IMPG2: variants seen among roughly 807,000 people sequenced by gnomAD.
IMPG2 encodes the protein interphotoreceptor matrix proteoglycan 2.
A neutral mutation model predicts 129.2 loss-of-function variants in IMPG2; 91 were observed. The ratio of observed to expected loss-of-function variants is 0.70; its 90% CI spans 0.59 to 0.84. The LOEUF (loss-of-function observed/expected upper bound fraction) is 0.84, where lower values mean the gene tolerates loss of function less well. Among genes scored for constraint, IMPG2 ranks in the 40% least tolerant of loss-of-function variants. The probability of loss-of-function intolerance (pLI) is 0.00; values close to 1 mark genes in which losing one functional copy is unlikely to be tolerated. For synonymous variants in IMPG2, 510 were observed against 517.7 expected (o/e 0.99, Z 0.20); for missense variants, 1,430 against 1,461.7 (o/e 0.98, Z 0.35).
chr3:101,229,472 G>T lies in IMPG2; in HGVS notation c.3541C>A (p.Pro1181Thr). The stretch of plus-strand genomic sequence containing the variant: ...TCTCCGCTAGCAGAGCTGTAGAAGG[G>T]ATGCTGAGGATAGGGTCCCTCATAC... ...EKYEGPYPQHPFYSSASGDVI... is the reference protein window; with the variant it reads ...EKYEGPYPQHTFYSSASGDVI... Residue 1181 changes from proline to threonine, a missense_variant, in exon 17 of 19, where the codon CCC (proline) becomes ACC (threonine). Pro to Thr is a conservative substitution (Grantham distance 38). Coordinates refer to ENST00000193391, the MANE Select transcript of IMPG2 (RefSeq NM_016247.4). 6.2e-7 allele frequency: 1 copy of T among 1,613,466 alleles called. No homozygotes were observed. The highest frequency in any genetic ancestry group is 8.5e-7 in the Non-Finnish European group (1 of 1,180,006).
chr3:101,233,124 G>C (rs1293359602), intron 14 of IMPG2, 133 bp from the exon 15 acceptor site: 1 of 776,502 alleles, frequency 1.3e-6, no homozygotes, highest in Non-Finnish European at 2.2e-6. Context: ...GTACACCATC[G>C]CCACCAATAC....
At chr3:101,301,446 C>A (rs1172800093) in intron 3 of IMPG2, among the ~76,000 whole-genome samples, 1 of 152,234 alleles carries the variant, frequency 6.6e-6, no homozygotes, top group Middle Eastern at 3.4e-3. Flanking sequence ...AAAGTATGCC[C>A]GCACTAAGTC....
At chr3:101,304,789 T>C (rs975156085) in intron 2 of IMPG2, among the ~76,000 whole-genome samples, 1 of 152,094 alleles carries the variant, frequency 6.6e-6, no homozygotes, top group African/African-American at 2.4e-5. Context: ...CTGGAGCTTT[T>C]TGGCTAAATG....
chr3:101,232,888 G>T lies in IMPG2; in HGVS notation c.3126C>A (p.Tyr1042Ter). The stretch of plus-strand genomic sequence containing the variant: ...GACAGGGCCGTTCTTCCACACTCAG[G>T]TATCCAGGGAAGCATCTGCACTTTG... ...GEAKCRCFPG[Y>*]LSVEERPCQS... is the part of the protein sequence containing the mutation. The change falls in exon 15 of 19, where the codon TAC becomes TAA. Residue 1042 changes from tyrosine to a stop codon, truncating the protein, a stop_gained. Transcript: ENST00000193391. LOFTEE classifies it high-confidence loss of function. 6.2e-7 allele frequency: 1 copy of T among 1,613,804 alleles called. No individual in the cohort carries two copies. Among genetic ancestry groups the T allele is most frequent in the African/African-American group, 1.3e-5 (1 of 74,924 alleles).
chr3:101,242,736 T>C lies in IMPG2; in HGVS notation c.2974A>G (p.Asn992Asp). Residue 992 changes from asparagine to aspartate, a missense_variant, in exon 14 of 19, where the codon AAT (asparagine) becomes GAT (aspartate). Coordinates refer to ENST00000193391, the MANE Select transcript of IMPG2 (RefSeq NM_016247.4). ...TTATCAATAGCCAAGTTCATGGTATTGTAGGCAGTGGTACAAAAGTCTTCC... is the reference window on the plus strand; with the variant it reads ...TTATCAATAGCCAAGTTCATGGTATCGTAGGCAGTGGTACAAAAGTCTTCC... ...ILEDFCTTAY[N>D]TMNLAIDKYS... is the part of the protein sequence containing the mutation. The C allele has an allele frequency of 1.9e-6, 3 of 1,614,044 alleles. No individual in the cohort carries two copies. The South Asian group carries it at 3.3e-5, about 18-fold the overall frequency.
At chr3:101,253,987 C>T (rs554676264) in intron 10 of IMPG2, among the ~76,000 whole-genome samples, 3 of 152,126 alleles carry the variant, frequency 2.0e-5, no homozygotes, top group Non-Finnish European at 2.9e-5. Context: ...AAGAATCTAA[C>T]ATAAAATAAA....
intron 4 of IMPG2, among the ~76,000 whole-genome samples, chr3:101,290,230 T>C (rs1028295044): frequency 3.3e-5 from 5 of 152,072 alleles, no homozygotes; most frequent in Non-Finnish European, 5.9e-5. Context: ...CGGCCAGGCA[T>C]AGTGGCTCAC....
At chr3:101,232,227 T>TA (rs386397421) in intron 15 of IMPG2, among the ~76,000 whole-genome samples, 62 of 151,602 alleles carry the variant, frequency 4.1e-4, no homozygotes, top group Admixed American at 1.1e-3. Flanking sequence ...ATTTTTATTT[T>TA]TTTTTTATTT....
chr3:101,304,265 G>T lies in IMPG2; in HGVS notation c.382C>A (p.Leu128Ile). ...WEAFRTFWDR[L>I]PGREEYHYWM... is the part of the protein sequence containing the mutation. ...TAATGATATTCCTCACGCCCAGGAA[G>T]TCGATCCCAAAAAGTCCTGAAGGCT... The change falls in exon 3 of 19, where the codon CTT becomes ATT. Residue 128 changes from leucine to isoleucine, a missense_variant. Physicochemically the swap from Leu to Ile is conservative, Grantham distance 5. Coordinates refer to ENST00000193391, the MANE Select transcript of IMPG2 (RefSeq NM_016247.4). 6.2e-7 allele frequency: 1 copy of T among 1,613,912 alleles called. No homozygotes were observed.
At chr3:101,312,517 A>C (rs577144531) in intron 2 of IMPG2, among the ~76,000 whole-genome samples, 1 of 152,208 alleles carries the variant, frequency 6.6e-6, no homozygotes, top group African/African-American at 2.4e-5. Context: ...AAAAAAAAGG[A>C]AAACATTGCT....
intron 2 of IMPG2, among the ~76,000 whole-genome samples, chr3:101,310,393 C>T (rs554215): frequency 0.72 from 108,735 of 151,442 alleles, 40,145 homozygotes; most frequent in East Asian, 0.84. Context: ...CTTGTCTCTA[C>T]GAAAATTACA....
Position 101,276,647 on chromosome 3 carries a change from A to G in IMPG2, c.583+17T>C, listed in dbSNP as rs1252116200. 10 of 1,559,954 alleles carry G rather than the reference A, an allele frequency of 6.4e-6. No individual in the cohort carries two copies. Among genetic ancestry groups the G allele is most frequent in the Non-Finnish European group, 8.8e-6 (10 of 1,131,368 alleles). ...AATAATTTTAAAAGAAAAGTGAATG[A>G]AGACACAAAAGTATACCTCCCAATG... On this transcript the variant is annotated intron_variant, in intron 5 of 18. Coordinates refer to ENST00000193391, the MANE Select transcript of IMPG2 (RefSeq NM_016247.4).
chr3:101,305,868 T>A (rs1707184065), intron 2 of IMPG2, among the ~76,000 whole-genome samples: 1 of 152,168 alleles, frequency 6.6e-6, no homozygotes. Flanking sequence ...TCTGTAACCA[T>A]TTCAGAGGCG....
chr3:101,242,983 C>CA, intron 13 of IMPG2, 76 bp from the exon 14 acceptor site: 2 of 1,184,988 alleles, frequency 1.7e-6, no homozygotes, highest in Non-Finnish European at 2.5e-6. Context: ...CAAAACAAAA[C>CA]AAAAACACAG....
chr3:101,256,204 AGAAAGAAAGAAAG>A (rs1559646436), intron 10 of IMPG2, among the ~76,000 whole-genome samples: 6 of 150,378 alleles, frequency 4.0e-5, no homozygotes, highest in African/African-American at 1.5e-4. Context: ...AAAGAAAGAA[AGAAAGAAAGAAAG>A]AAAAAAATAT....
chr3:101,232,133 C>G (rs1024535663), intron 15 of IMPG2, among the ~76,000 whole-genome samples: 2 of 152,094 alleles, frequency 1.3e-5, no homozygotes, highest in Non-Finnish European at 2.9e-5. Flanking sequence ...ATGCCTAAAC[C>G]TCATTTGAAC....
intron 10 of IMPG2, among the ~76,000 whole-genome samples, chr3:101,254,397 A>G (rs897814815): frequency 2.6e-5 from 4 of 152,148 alleles, no homozygotes; most frequent in Non-Finnish European, 5.9e-5. Context: ...AGCATTGCAT[A>G]TATCAGAGAA....
At chr3:101,273,952 C>A (rs774313890) in intron 6 of IMPG2, among the ~76,000 whole-genome samples, 12 of 152,158 alleles carry the variant, frequency 7.9e-5, no homozygotes, top group Non-Finnish European at 1.5e-4. Context: ...AATCTCAGCA[C>A]TTTGGGAGGC....
chr3:101,243,503 G>T, intron 13 of IMPG2, 26 bp downstream of exon 13: 1 of 1,604,170 alleles, frequency 6.2e-7, no homozygotes, highest in Non-Finnish European at 8.5e-7. Context: ...ATTCACTAGT[G>T]CCCATGTTTC....
Sources: allele counts gnomAD v4.1 joint callset (sites outside exome capture counted in the v4.1 genomes callset), GRCh38; gene constraint gnomAD v4.1.1; transcripts MANE v1.5; gene names NCBI Gene and HGNC (gene_info 2026-07-23, HGNC 2026-07-21).